LRRC37A2: variants seen among roughly 807,000 people sequenced by gnomAD.
LRRC37A2 encodes the protein leucine rich repeat containing 37 member A2, also known as leucine-rich repeat-containing protein 37A2.
A neutral mutation model predicts 68.8 loss-of-function variants in LRRC37A2; 9 were observed. The ratio of observed to expected loss-of-function variants is 0.13; its 90% confidence interval spans 0.08 to 0.23. The LOEUF is 0.23. Ranked by LOEUF, LRRC37A2 falls within the 10% of genes least tolerant of loss-of-function variation. The pLI, the probability that LRRC37A2 is intolerant of heterozygous loss-of-function variation, is 1.00. For missense variants in LRRC37A2, 168 were observed against 950.4 expected (o/e 0.18, Z 10.82); for synonymous variants, 63 against 367.6 (o/e 0.17, Z 9.48).
the LRRC37A2 span, among the ~76,000 whole-genome samples, chr17:46,837,232 T>C: frequency 1.9e-3 from 292 of 152,322 alleles, 1 homozygote; most frequent in Middle Eastern, 0.031. Context: ...TGAGCCACCG[T>C]GCCTGGCTGA....
chr17:46,497,426 G>A, the LRRC37A2 span, among the ~76,000 whole-genome samples: 1 of 144,260 alleles, frequency 6.9e-6, no homozygotes. Flanking sequence ...TTAGTGTTAT[G>A]TTTTATTAAT....
chr17:47,022,743 G>C, the LRRC37A2 span, among the ~76,000 whole-genome samples: 4 of 152,180 alleles, frequency 2.6e-5, no homozygotes, highest in Admixed American at 1.3e-4. Flanking sequence ...CCAGTACTTA[G>C]AGGGTCACCC....
At chr17:46,984,395 C>T in the LRRC37A2 span, among the ~76,000 whole-genome samples, 5 of 152,130 alleles carry the variant, frequency 3.3e-5, no homozygotes, top group Admixed American at 2.0e-4. Flanking sequence ...GCTCAGGAGC[C>T]TAAGGGTGAG....
At chr17:46,750,335 G>A in the LRRC37A2 span, among the ~76,000 whole-genome samples, 1 of 152,112 alleles carries the variant, frequency 6.6e-6, no homozygotes, top group African/African-American at 2.4e-5. Flanking sequence ...TCTGGGTGAG[G>A]GAGCAAAACT....
chr17:46,861,184 G>C, the LRRC37A2 span, among the ~76,000 whole-genome samples: 3 of 152,226 alleles, frequency 2.0e-5, no homozygotes, highest in Non-Finnish European at 4.4e-5. Flanking sequence ...CCCAGGCCCT[G>C]CACTTGGTGC....
the LRRC37A2 span, among the ~76,000 whole-genome samples, chr17:46,852,234 A>C: frequency 2.6e-5 from 4 of 151,988 alleles, no homozygotes; most frequent in Non-Finnish European, 5.9e-5. Context: ...GGGGCAGAGG[A>C]TCGTGCGCGT....
chr17:46,996,885 T>C, the LRRC37A2 span, among the ~76,000 whole-genome samples: 2 of 152,178 alleles, frequency 1.3e-5, no homozygotes, highest in African/African-American at 4.8e-5. Context: ...TGACAGTTCC[T>C]TCAGCCCCTC....
chr17:46,536,824 C>G (rs2054605047), intron 6 of LRRC37A2, among the ~76,000 whole-genome samples: 1 of 9,560 alleles, frequency 1.0e-4, no homozygotes, highest in African/African-American at 7.2e-4. Flanking sequence ...CAGGGAACCA[C>G]CAGACAGATG....
chr17:46,755,776 T>G, the LRRC37A2 span: 2 of 1,606,460 alleles, frequency 1.2e-6, no homozygotes, highest in Non-Finnish European at 1.7e-6. Context: ...CATCTGTTTT[T>G]TTGTGTTTTG....
chr17:46,541,776 G>C (rs1286201241), intron 8 of LRRC37A2, among the ~76,000 whole-genome samples: 1 of 150,926 alleles, frequency 6.6e-6, no homozygotes, highest in Non-Finnish European at 1.5e-5. Context: ...CACTGTATTA[G>C]GTACTTAGAG....
At chr17:46,982,362 T>C in the LRRC37A2 span, among the ~76,000 whole-genome samples, 3 of 151,934 alleles carry the variant, frequency 2.0e-5, no homozygotes, top group Non-Finnish European at 4.4e-5. Flanking sequence ...AGGAAAGGGG[T>C]GGGGTGAGTG....
At chr17:46,761,335 T>G in the LRRC37A2 span, among the ~76,000 whole-genome samples, 3 of 140,846 alleles carry the variant, frequency 2.1e-5, no homozygotes, top group African/African-American at 2.6e-5. Flanking sequence ...TTTTTGTTTG[T>G]TTTTTTTTTT....
chr17:46,756,673 A>G, the LRRC37A2 span: 1 of 152,680 alleles, frequency 6.5e-6, no homozygotes, highest in Non-Finnish European at 1.5e-5. Flanking sequence ...ATTCCTTAGT[A>G]TAATATTAAG....
chr17:46,850,399 T>C, the LRRC37A2 span, among the ~76,000 whole-genome samples: 38 of 152,232 alleles, frequency 2.5e-4, no homozygotes, highest in African/African-American at 8.9e-4. Context: ...AGGTGGGGGC[T>C]TCCTCTGTTA....
At chr17:46,779,053 T>TCACACACACACGCACACACACA in the LRRC37A2 span, among the ~76,000 whole-genome samples, 2 of 100,612 alleles carry the variant, frequency 2.0e-5, no homozygotes, top group African/African-American at 8.9e-5. Context: ...CCCTACCCCA[T>TCACACACACACGCACACACACA]CACACACACA....
the LRRC37A2 span, chr17:47,017,145 G>A: frequency 3.7e-6 from 6 of 1,605,682 alleles, no homozygotes; most frequent in African/African-American, 6.7e-5. Flanking sequence ...ATAAAGACAG[G>A]GCGGGACTCA....
At chr17:46,784,151 A>G in the LRRC37A2 span, among the ~76,000 whole-genome samples, 1 of 152,172 alleles carries the variant, frequency 6.6e-6, no homozygotes, top group African/African-American at 2.4e-5. Context: ...AGGAACAGAC[A>G]GGAAGCTGTG....
the LRRC37A2 span, among the ~76,000 whole-genome samples, chr17:46,816,311 G>C: frequency 6.6e-6 from 1 of 152,036 alleles, no homozygotes; most frequent in Admixed American, 6.5e-5. Context: ...GCTCACACTC[G>C]TGTGCAGACA....
chr17:47,023,226 A>G, the LRRC37A2 span, among the ~76,000 whole-genome samples: 2 of 152,174 alleles, frequency 1.3e-5, no homozygotes, highest in East Asian at 1.9e-4. Context: ...TTTCCTGTTG[A>G]ATTGTTTTAT....
Sources: allele counts gnomAD v4.1 joint callset (sites outside exome capture counted in the v4.1 genomes callset), GRCh38; gene constraint gnomAD v4.1.1; transcripts MANE v1.5; gene names NCBI Gene and HGNC (gene_info 2026-07-23, HGNC 2026-07-21).